The following ANO7 variants were observed in gnomAD, a reference collection of about 807,000 sequenced individuals.
The protein encoded by ANO7 is anoctamin-7.
A neutral mutation model predicts 115.8 loss-of-function variants in ANO7; 114 were observed. That is an observed-to-expected ratio of 0.98 (90% CI 0.85 to 1.15). ANO7 has a LOEUF of 1.15. Ranked by LOEUF, ANO7 falls within the 50% of genes most tolerant of loss-of-function variation. The pLI is 0.00. For missense variants in ANO7, 1,302 were observed against 1,201.2 expected, an observed-to-expected ratio of 1.08 and a Z score of -1.24; for synonymous variants, 550 against 498.2, an observed-to-expected ratio of 1.10 and a Z score of -1.38.
rs921396355 is a variant in ANO7, at chr2:241,214,864, C to A, written c.1788C>A (p.Gly596=). The change falls in exon 18 of 25, where the codon GGC becomes GGA. Residue 596 remains glycine (G), a synonymous_variant. Transcript: ENST00000674324. ...LAQELLVIMV[G]KQVINNMQEV... ...AGGAGCTCCTGGTCATCATGGTGGG[C>A]AAGCAGGTCATCAACAACATGCAGG... 8 of 1,612,810 alleles carry A rather than the reference C, an allele frequency of 5.0e-6. No individual in the cohort carries two copies. The African/African-American group carries it at 1.1e-4, about 22-fold the overall frequency.
the ANO7 span, chr2:241,236,831 A>G: frequency 3.2e-6 from 5 of 1,561,764 alleles, no homozygotes; most frequent in South Asian, 3.5e-5. Context: ...CACCTTGTTC[A>G]GAATGCATAT....
the ANO7 span, chr2:241,233,794 C>T: frequency 1.9e-5 from 31 of 1,613,560 alleles, no homozygotes; most frequent in Admixed American, 3.3e-4. The surrounding 1 kb of genome is among the most constrained non-coding windows in gnomAD (Gnocchi z 4.3). Flanking sequence ...CCTCTGCCCC[C>T]GACACGCTCC....
chr2:241,188,798 G>A lies in ANO7; in HGVS notation c.-8+32G>A. The A allele has an allele frequency of 6.2e-7, 1 of 1,601,982 alleles. No individual in the cohort carries two copies. The highest frequency in any genetic ancestry group is 8.5e-7 in the Non-Finnish European group (1 of 1,172,674). ...ACCCAGCCTAGACGTGTGGGCCACA[G>A]GGAGAAGGTGGAGCGTTGGACTCTA... On this transcript the variant is annotated intron_variant, in intron 1 of 24. Coordinates refer to ENST00000674324, the MANE Select transcript of ANO7 (RefSeq NM_001370694.2). The surrounding 1 kb of genome is among the most constrained non-coding windows in gnomAD (Gnocchi z 4.3).
intron 3 of ANO7, among the ~76,000 whole-genome samples, chr2:241,193,541 T>C (rs1482951051): frequency 6.7e-6 from 1 of 149,262 alleles, no homozygotes; most frequent in Non-Finnish European, 1.5e-5. Flanking sequence ...TACCAGAAGC[T>C]CCCCACCCTT....
chr2:241,212,726 A>G (rs1385677568), intron 17 of ANO7, 100 bp downstream of exon 17: 2 of 1,336,736 alleles, frequency 1.5e-6, no homozygotes, highest in Non-Finnish European at 2.1e-6. Flanking sequence ...TCCTCCCACC[A>G]CCGGCTATTT....
chr2:241,208,964 A>G (rs924637409), intron 11 of ANO7, among the ~76,000 whole-genome samples: 1 of 152,072 alleles, frequency 6.6e-6, no homozygotes, highest in South Asian at 2.1e-4. Context: ...CCTGGCTAAC[A>G]CGGTGAAACC....
At chr2:241,236,977 T>TGGG in the ANO7 span, among the ~76,000 whole-genome samples, 1 of 108,248 alleles carries the variant, frequency 9.2e-6, no homozygotes, top group African/African-American at 3.9e-5. Flanking sequence ...TCCCAGACCT[T>TGGG]GGGGGGGGGG....
At chr2:241,232,993 A>ATG in the ANO7 span, among the ~76,000 whole-genome samples, 1 of 151,036 alleles carries the variant, frequency 6.6e-6, no homozygotes, top group East Asian at 2.0e-4. Flanking sequence ...AAGAAGGGGA[A>ATG]GGGGAAGGGG....
chr2:241,204,215 G>C (rs1034674353), intron 9 of ANO7, among the ~76,000 whole-genome samples: 2 of 152,226 alleles, frequency 1.3e-5, no homozygotes, highest in East Asian at 3.9e-4. Context: ...CAGGCTGGGG[G>C]CTTCTGGGGG....
rs2068530613 is a variant in ANO7, at chr2:241,203,899, C to T, written c.889+401C>T. ...AAGCAGGCCATCTGCCCCAGGCAAC[C>T]CCAGAGCTGTTCCTCCTGGGTCCTG... On this transcript the variant is annotated intron_variant, in intron 9 of 24. Transcript: ENST00000674324. The surrounding 1 kb of genome is among the most constrained non-coding windows in gnomAD (Gnocchi z 4.8). Among the ~76,000 whole-genome samples, 1 of 152,134 alleles carries T rather than the reference C, an allele frequency of 6.6e-6. No homozygotes were observed. Among genetic ancestry groups the T allele is most frequent in the Non-Finnish European group, 1.5e-5 (1 of 68,002 alleles).
chr2:241,202,434 T>C, intron 8 of ANO7, 130 bp downstream of exon 8: 1 of 723,996 alleles, frequency 1.4e-6, no homozygotes. Context: ...GTCAGAACAC[T>C]AAATGCACAC....
At chr2:241,236,312 T>TC in the ANO7 span, 2 of 392,348 alleles carry the variant, frequency 5.1e-6, no homozygotes, top group Middle Eastern at 7.1e-4. Flanking sequence ...GTCACATTCA[T>TC]CCCCCTGCAG....
the ANO7 span, chr2:241,238,199 T>C: frequency 0.99 from 152,277 of 153,234 alleles, 75,664 homozygotes; most frequent in East Asian, 1. The surrounding 1 kb of genome is among the most constrained non-coding windows in gnomAD (Gnocchi z 4.9). Flanking sequence ...AACTGAATGC[T>C]CTCCTAGAAC....
chr2:241,218,572 G>GGCC (rs947568360), intron 21 of ANO7, among the ~76,000 whole-genome samples, 191 bp downstream of exon 21: 12 of 152,170 alleles, frequency 7.9e-5, no homozygotes, highest in Non-Finnish European at 1.8e-4. Flanking sequence ...AAGGGACGGA[G>GGCC]CTTTGCGGGG....
At position 241,217,861 on chromosome 2, in the gene ANO7, G is replaced by T. The variant is rs1225307475; in HGVS notation, c.2148G>T (p.Ala716=). 1.9e-6 allele frequency: 3 copies of T among 1,601,848 alleles called. No homozygotes were observed. Among genetic ancestry groups the T allele is most frequent in the East Asian group, 4.5e-5 (2 of 44,560 alleles). ...QDIGIWFHIL[A]GLTHLAVISN... ...TCGGCATCTGGTTCCACATCCTGGC[G>T]GGCCTCACGCACCTGGCGGTCATCA... The change falls in exon 20 of 25, where the codon GCG becomes GCT. Residue 716 remains alanine, a synonymous_variant. Coordinates refer to ENST00000674324, the MANE Select transcript of ANO7 (RefSeq NM_001370694.2).
rs2069083559 is a variant in ANO7 at position 241,223,749 on chromosome 2, T to C, written c.2500T>C (p.Tyr834His). The C allele has an allele frequency of 1.2e-6, 2 of 1,614,216 alleles. No individual in the cohort carries two copies. Among genetic ancestry groups the C allele is most frequent in the Non-Finnish European group, 1.7e-6 (2 of 1,180,038 alleles). ...GGAGATCAAAGTGAAGCGGGAGTAC[T>C]ACCTGGCTAAGCAGGCACTGGCTGA... is the stretch of plus-strand genomic sequence containing the variant. ...SVEIKVKREY[Y>H]LAKQALAENE... The change falls in exon 23 of 25, where the codon TAC becomes CAC. Residue 834 changes from tyrosine to histidine, a missense_variant. Coordinates refer to ENST00000674324, the MANE Select transcript of ANO7 (RefSeq NM_001370694.2).
chr2:241,230,282 TACA>T (rs767612385), downstream of ANO7: 9 of 1,512,556 alleles, frequency 6.0e-6, no homozygotes, highest in African/African-American at 8.3e-5. The surrounding 1 kb of genome is among the most constrained non-coding windows in gnomAD (Gnocchi z 5.0). Flanking sequence ...GGAAGGGGTG[TACA>T]ACGTCAGATG....
At chr2:241,229,571 G>C (rs1189510584), downstream of ANO7, 1 of 1,555,454 alleles carries the variant, frequency 6.4e-7, no homozygotes. Context: ...TGGGTCAGCA[G>C]GCTGGAGAGG....
chr2:241,202,174 A>G lies in ANO7; in HGVS notation c.613-20A>G, dbSNP rs749347871. 1 of 1,607,258 alleles carries G rather than the reference A, an allele frequency of 6.2e-7. No homozygotes were observed. Among genetic ancestry groups the G allele is most frequent in the Non-Finnish European group, 8.5e-7 (1 of 1,174,328 alleles). ...TATCACGTGACAAGTGACCTGCGCC[A>G]TCCTCCACATCCCCTGCAGCTGTTT... On this transcript the variant is annotated intron_variant, in intron 7 of 24. Coordinates refer to ENST00000674324, the MANE Select transcript of ANO7 (RefSeq NM_001370694.2).
Sources: gnomAD v4.1 joint callset for allele counts (sites outside exome capture counted in the v4.1 genomes callset) on GRCh38, gnomAD v4.1.1 for gene constraint, Gnocchi (gnomAD v3.1) non-coding constraint, MANE v1.5 for transcripts, NCBI Gene and HGNC (gene_info 2026-07-23, HGNC 2026-07-21) for gene names.